SLC2A12: variants seen among roughly 807,000 people sequenced by gnomAD.
SLC2A12 encodes the protein solute carrier family 2 member 12, also known as solute carrier family 2, facilitated glucose transporter member 12.
SLC2A12 carries 23 observed loss-of-function variants against 41.8 expected under a neutral mutation model. The ratio of observed to expected loss-of-function variants is 0.55; its 90% CI spans 0.40 to 0.78. SLC2A12 has a LOEUF of 0.78. Among genes scored for constraint, SLC2A12 ranks in the 30% least tolerant of loss-of-function variants. SLC2A12 has a pLI of 0.00. For missense variants in SLC2A12, 654 were observed against 745.6 expected (o/e 0.88, Z 1.43); for synonymous variants, 295 against 285.9 (o/e 1.03, Z -0.32).
chr6:133,995,475 G>T (rs1463979870), intron 4 of SLC2A12, among the ~76,000 whole-genome samples: 2 of 152,168 alleles, frequency 1.3e-5, no homozygotes, highest in African/African-American at 4.8e-5. Context: ...CAGAAGCAAG[G>T]CCATCAGTGA....
rs1776585707 is a variant in SLC2A12 at position 133,989,288 on chromosome 6, G to A, written c.*1867C>T. The A allele has an allele frequency of 6.6e-6, 1 of 152,050 alleles. No homozygotes were observed. Among genetic ancestry groups the A allele is most frequent in the African/African-American group, 2.4e-5 (1 of 41,394 alleles). 9.4% of individuals were successfully genotyped at this position (152,050 alleles called of 1,614,324 possible). On this transcript the variant is annotated 3_prime_UTR_variant, in exon 5 of 5. Transcript: ENST00000275230. ...ATCAAGAAGCTTGATTTGGTGTGGT[G>A]CAATGGATATTGGATAAAAATTTGA...
chr6:134,000,215 T>G lies in SLC2A12; in HGVS notation c.1700+1782A>C, dbSNP rs572206852. Among the ~76,000 whole-genome samples, 18 of 152,338 alleles carry G rather than the reference T, an allele frequency of 1.2e-4. No homozygotes were observed. The South Asian group carries it at 3.7e-3, about 32-fold the overall frequency. ...CATCTGTATCAAAAAAAATTAGCCT[T>G]ATAATTTGATATTTACCTTAAGCTT... On this transcript the variant is annotated intron_variant, in intron 4 of 4. Coordinates refer to ENST00000275230, the MANE Select transcript of SLC2A12 (RefSeq NM_145176.3).
chr6:134,027,542 G>A (rs1777131555), intron 2 of SLC2A12, among the ~76,000 whole-genome samples: 1 of 151,850 alleles, frequency 6.6e-6, no homozygotes, highest in South Asian at 2.1e-4. Flanking sequence ...GGAGGTGGGG[G>A]TAATAGAGGC....
At chr6:134,052,057 A>AT (rs1023164602) in intron 1 of SLC2A12, among the ~76,000 whole-genome samples, 1 of 152,104 alleles carries the variant, frequency 6.6e-6, no homozygotes, top group African/African-American at 2.4e-5. Context: ...ACATCCATAC[A>AT]TTGTATTATG....
chr6:134,001,649 C>T lies in SLC2A12; in HGVS notation c.1700+348G>A, dbSNP rs189606393. ...TTTGATGATAATTATAAAAGGCTAA[C>T]GTTAAAAAACATTCCAATTGTAAAG... On this transcript the variant is annotated intron_variant, in intron 4 of 4. Coordinates refer to ENST00000275230, the MANE Select transcript of SLC2A12 (RefSeq NM_145176.3). Among the ~76,000 whole-genome samples the T allele has an allele frequency of 3.9e-4, 59 of 150,942 alleles. 1 individual carries two copies. In the South Asian group the frequency reaches 3.9e-3, roughly 10 times the overall value.
At chr6:134,002,193 C>A in intron 3 of SLC2A12, 64 bp from the exon 4 acceptor site, 1 of 1,546,076 alleles carries the variant, frequency 6.5e-7, no homozygotes, top group Non-Finnish European at 8.7e-7. Context: ...CATTTGTGAA[C>A]AGCCACTTAG....
intron 4 of SLC2A12, among the ~76,000 whole-genome samples, chr6:133,994,643 G>A (rs1317772813): frequency 6.6e-6 from 1 of 152,136 alleles, no homozygotes; most frequent in Non-Finnish European, 1.5e-5. Context: ...CAGGAGAATG[G>A]CGTGAACCTG....
Position 134,028,959 on chromosome 6 carries a change from A to T in SLC2A12, c.866T>A (p.Val289Glu), listed in dbSNP as rs1463059733. The T allele has an allele frequency of 6.2e-7, 1 of 1,614,258 alleles. No individual in the cohort carries two copies. The highest frequency in any genetic ancestry group is 2.2e-5 in the East Asian group (1 of 44,890). The change falls in exon 2 of 5, where the codon GTA becomes GAA. Residue 289 changes from valine to glutamate, a missense_variant. Val to Glu is a moderately radical substitution (Grantham distance 121, BLOSUM62 -2). Around this residue, in one of 3 missense-constraint regions of SLC2A12, gnomAD observed 411 missense variants for 412.1 expected, o/e 1.00. Transcript: ENST00000275230. ...TATGTTTGGTTGGCCAGTGATTTGT[A>T]CAAAAAATACTAGTGTTAGTCCTAT... is the stretch of plus-strand genomic sequence containing the variant. ...IMIGLTLVFF[V>E]QITGQPNILF...
intron 2 of SLC2A12, among the ~76,000 whole-genome samples, chr6:134,011,185 CT>C (rs1459384064): frequency 6.6e-6 from 1 of 152,106 alleles, no homozygotes; most frequent in Non-Finnish European, 1.5e-5. Context: ...TTTTTATTGC[CT>C]TTGTAAGCGG....
At chr6:134,022,553 G>GAAAA (rs1273968534) in intron 2 of SLC2A12, among the ~76,000 whole-genome samples, 8 of 52,140 alleles carry the variant, frequency 1.5e-4, no homozygotes, top group Non-Finnish European at 2.9e-4. Context: ...GAAAAGAAAA[G>GAAAA]AAAAGAAAAG....
rs754769153 is a variant in SLC2A12, at chr6:134,006,800, A to G, written c.1567+12T>C. 6 of 1,613,904 alleles carry G rather than the reference A, an allele frequency of 3.7e-6. 1 individual carries two copies. In the South Asian group the frequency reaches 5.5e-5, roughly 15 times the overall value. ...GGACCAAAGACATTAGAGGAAAACA[A>G]AGACTTCTTACCAGTTACAGTCAAA... On this transcript the variant is annotated intron_variant, in intron 3 of 4. Transcript: ENST00000275230.
At chr6:134,025,494 A>T (rs181963249) in intron 2 of SLC2A12, among the ~76,000 whole-genome samples, 20 of 152,304 alleles carry the variant, frequency 1.3e-4, no homozygotes, top group East Asian at 5.8e-4. Context: ...ACCATATTTT[A>T]AAAAAATTAG....
At chr6:134,005,160 G>T (rs1476160523) in intron 3 of SLC2A12, among the ~76,000 whole-genome samples, 2 of 152,118 alleles carry the variant, frequency 1.3e-5, no homozygotes, top group African/African-American at 4.8e-5. Context: ...CTAATATTGG[G>T]TTATTTTATT....
chr6:134,049,966 A>G (rs367963981), intron 1 of SLC2A12, among the ~76,000 whole-genome samples: 3 of 152,334 alleles, frequency 2.0e-5, no homozygotes, highest in African/African-American at 7.2e-5. Context: ...CTACCTTCAA[A>G]TGCAGACATA....
chr6:134,050,173 A>C (rs1358927873), intron 1 of SLC2A12, among the ~76,000 whole-genome samples: 1 of 152,242 alleles, frequency 6.6e-6, no homozygotes, highest in Non-Finnish European at 1.5e-5. Flanking sequence ...AAAACCATAC[A>C]GCAAGTCTGC....
At position 134,019,216 on chromosome 6, in the gene SLC2A12, AC is replaced by A. The variant is rs1333362346; in HGVS notation, c.1444+9164del. ...AGCCCTAATAATTATTATAAAAAAA[AC>A]AGTCACATATATTTTCCGGAGTTTC... On this transcript the variant is annotated intron_variant, in intron 2 of 4. Coordinates refer to ENST00000275230, the MANE Select transcript of SLC2A12 (RefSeq NM_145176.3). 7.9e-5 allele frequency among the ~76,000 whole-genome samples: 12 copies of A among 152,330 alleles called. No homozygotes were observed. In the East Asian group the frequency reaches 9.6e-4, roughly 12 times the overall value.
At position 134,006,871 on chromosome 6, in the gene SLC2A12, GT is replaced by G; in HGVS notation, c.1507del (p.Thr503LeufsTer4). The G allele has an allele frequency of 6.2e-7, 1 of 1,614,200 alleles. No homozygotes were observed. The highest frequency in any genetic ancestry group is 8.5e-7 in the Non-Finnish European group (1 of 1,180,036). On this transcript the variant is annotated frameshift_variant, in exon 3 of 5. Coordinates refer to ENST00000275230, the MANE Select transcript of SLC2A12 (RefSeq NM_145176.3). LOFTEE classifies it high-confidence loss of function. ...GGIRGRAMAL[T>X]SSMNWGINLL... The stretch of plus-strand genomic sequence containing the variant: ...ATTGATGCCCCAGTTCATGCTAGAA[GT>G]TAAAGCCATGGCTCGTCCTCTGATC...
At chr6:133,995,101 T>C (rs1235308687) in intron 4 of SLC2A12, among the ~76,000 whole-genome samples, 2 of 152,146 alleles carry the variant, frequency 1.3e-5, no homozygotes, top group African/African-American at 4.8e-5. Flanking sequence ...GAAGCACAAG[T>C]GATGACAGCG....
chr6:133,995,598 G>A (rs915765915), intron 4 of SLC2A12, among the ~76,000 whole-genome samples: 3 of 152,182 alleles, frequency 2.0e-5, no homozygotes, highest in African/African-American at 4.8e-5. Flanking sequence ...GTGATTGAAG[G>A]CCACTTAAGG....
Sources: gnomAD v4.1 joint callset for allele counts (sites outside exome capture counted in the v4.1 genomes callset) on GRCh38, gnomAD v4.1.1 for gene constraint, gnomAD v4.1.1 regional missense constraint, MANE v1.5 for transcripts, NCBI Gene and HGNC (gene_info 2026-07-23, HGNC 2026-07-21) for gene names.